Variants in REDIC1 observed in about 807,000 individuals in gnomAD.
The protein encoded by REDIC1 is regulator of DNA class I crossover intermediates 1.
the REDIC1 span, among the ~76,000 whole-genome samples, chr12:39,762,115 A>C: frequency 6.6e-6 from 1 of 152,052 alleles, no homozygotes; most frequent in African/African-American, 2.4e-5. Flanking sequence ...CAAATGCCAA[A>C]ACTGCCTACT....
the REDIC1 span, among the ~76,000 whole-genome samples, chr12:39,733,627 G>A: frequency 3.6e-4 from 55 of 152,204 alleles, no homozygotes; most frequent in Admixed American, 3.9e-4. Context: ...TAGAGAGGCA[G>A]TCTGGCTACA....
the REDIC1 span, among the ~76,000 whole-genome samples, chr12:39,906,143 GTTTT>G: frequency 1.4e-5 from 2 of 143,664 alleles, no homozygotes; most frequent in African/African-American, 5.1e-5. Context: ...TTTGAACTTT[GTTTT>G]CAACTGAGTT....
chr12:39,675,789 T>C, the REDIC1 span, among the ~76,000 whole-genome samples: 1 of 152,170 alleles, frequency 6.6e-6, no homozygotes, highest in Non-Finnish European at 1.5e-5. Flanking sequence ...ATCACAGGAC[T>C]CTTTGTAGAC....
the REDIC1 span, among the ~76,000 whole-genome samples, chr12:39,712,964 CGTGTATATGTATATATACAT>C: frequency 2.9e-4 from 5 of 17,162 alleles, no homozygotes; most frequent in African/African-American, 6.7e-4. Context: ...TATGCATATA[CGTGTATATGTATATATACAT>C]GTGTATATAC....
At chr12:39,898,423 A>G in the REDIC1 span, among the ~76,000 whole-genome samples, 1 of 152,136 alleles carries the variant, frequency 6.6e-6, no homozygotes, top group African/African-American at 2.4e-5. Context: ...GTAAAGTAAA[A>G]TAACCAGTGT....
the REDIC1 span, among the ~76,000 whole-genome samples, chr12:39,681,152 A>T: frequency 6.6e-6 from 1 of 152,146 alleles, no homozygotes; most frequent in Non-Finnish European, 1.5e-5. Context: ...CACACCTGTA[A>T]TCCCAGCTAT....
the REDIC1 span, among the ~76,000 whole-genome samples, chr12:39,881,511 A>T: frequency 2.6e-5 from 4 of 152,140 alleles, no homozygotes; most frequent in Non-Finnish European, 5.9e-5. Flanking sequence ...TGTCTCAATT[A>T]TCTGCTTATT....
At chr12:39,702,886 C>T in the REDIC1 span, among the ~76,000 whole-genome samples, 2 of 152,160 alleles carry the variant, frequency 1.3e-5, no homozygotes, top group Non-Finnish European at 2.9e-5. Flanking sequence ...ATTCAACAAC[C>T]TTCATGCTAA....
the REDIC1 span, among the ~76,000 whole-genome samples, chr12:39,711,779 A>G: frequency 6.7e-5 from 9 of 133,570 alleles, 1 homozygote; most frequent in Admixed American, 3.6e-4. Context: ...GTGCACATGC[A>G]TGTGTATGTG....
the REDIC1 span, chr12:39,764,596 A>G: frequency 6.2e-6 from 10 of 1,602,844 alleles, no homozygotes; most frequent in South Asian, 1.1e-4. Context: ...TCACAGTCCA[A>G]GGCATTGGTC....
At chr12:39,704,005 C>T in the REDIC1 span, among the ~76,000 whole-genome samples, 35 of 152,178 alleles carry the variant, frequency 2.3e-4, no homozygotes, top group Non-Finnish European at 4.1e-4. Flanking sequence ...CCATTCAGGA[C>T]ATAGGCATGG....
At chr12:39,876,546 A>G in the REDIC1 span, among the ~76,000 whole-genome samples, 43 of 152,202 alleles carry the variant, frequency 2.8e-4, no homozygotes, top group African/African-American at 9.9e-4. Flanking sequence ...ATTAAAAAAC[A>G]CCTGATAGAC....
chr12:39,861,823 C>T, the REDIC1 span, among the ~76,000 whole-genome samples: 1 of 152,052 alleles, frequency 6.6e-6, no homozygotes. Flanking sequence ...CTGTCTTTAT[C>T]TTTGTGCACA....
chr12:39,626,329 T>C, the REDIC1 span: 8 of 1,613,884 alleles, frequency 5.0e-6, no homozygotes, highest in Admixed American at 1.7e-5. Context: ...GTCAAAAGAT[T>C]TGGGAAGATG....
chr12:39,797,301 T>C, the REDIC1 span, among the ~76,000 whole-genome samples: 2 of 152,194 alleles, frequency 1.3e-5, no homozygotes, highest in Non-Finnish European at 2.9e-5. Flanking sequence ...CATTGAAAAA[T>C]GCTAACATTT....
the REDIC1 span, among the ~76,000 whole-genome samples, chr12:39,722,089 A>G: frequency 6.6e-6 from 1 of 152,128 alleles, no homozygotes; most frequent in African/African-American, 2.4e-5. Context: ...GCATTCTAGT[A>G]TCTAACTGAA....
chr12:39,710,572 T>C, the REDIC1 span, among the ~76,000 whole-genome samples: 1 of 151,882 alleles, frequency 6.6e-6, no homozygotes, highest in East Asian at 1.9e-4. Context: ...ACACATTCTT[T>C]TCCCTCTATC....
At chr12:39,855,007 T>C in the REDIC1 span, among the ~76,000 whole-genome samples, 1 of 152,186 alleles carries the variant, frequency 6.6e-6, no homozygotes, top group Non-Finnish European at 1.5e-5. Context: ...ATTAACCTTT[T>C]ACTGAAATTT....
chr12:39,886,176 C>T, the REDIC1 span, among the ~76,000 whole-genome samples: 1 of 152,122 alleles, frequency 6.6e-6, no homozygotes, highest in South Asian at 2.1e-4. Context: ...AATTTTTTAA[C>T]AGCAGAGGAA....
Sources: gnomAD v4.1 joint callset for allele counts (sites outside exome capture counted in the v4.1 genomes callset) on GRCh38, gnomAD v4.1.1 for gene constraint, MANE v1.5 for transcripts, NCBI Gene and HGNC (gene_info 2026-07-23, HGNC 2026-07-21) for gene names.